Variants in MBNL2 observed in about 807,000 individuals in gnomAD.
MBNL2 encodes the protein muscleblind like splicing regulator 2.
A neutral mutation model predicts 41.9 loss-of-function variants in MBNL2; 17 were observed. The observed-to-expected ratio is 0.41, with a 90% CI of 0.28 to 0.61. MBNL2 has a LOEUF of 0.61. MBNL2 is among the 20% of genes least tolerant of loss of function. The probability of loss-of-function intolerance (pLI) is 0.35; values close to 1 mark genes in which losing one functional copy is unlikely to be tolerated. For missense variants in MBNL2, 336 were observed against 505.6 expected, an observed-to-expected ratio of 0.66 and a Z score of 3.22; for synonymous variants, 195 against 182.9, an observed-to-expected ratio of 1.07 and a Z score of -0.53.
chr13:97,204,919 T>G, the MBNL2 span, among the ~76,000 whole-genome samples: 1 of 151,942 alleles, frequency 6.6e-6, no homozygotes, highest in Non-Finnish European at 1.5e-5. Context: ...ACTAAAAATA[T>G]AAAAATTCAC....
rs371064667 is a variant in MBNL2, at chr13:97,263,021, G to A, written c.-604-12611G>A. On this transcript the variant is annotated intron_variant, in intron 1 of 8. Transcript: ENST00000679496. Reference sequence around the variant, plus strand: ...AGGCTGGTCTTGAACTCCTGAGGTCGGGTGATCCACTCGCCTCGGCCTCCC... The same window carrying A: ...AGGCTGGTCTTGAACTCCTGAGGTCAGGTGATCCACTCGCCTCGGCCTCCC... Among the ~76,000 whole-genome samples the A allele has an allele frequency of 1.1e-4, 17 of 151,914 alleles. No individual in the cohort carries two copies. In the East Asian group the frequency reaches 1.5e-3, roughly 14 times the overall value.
At chr13:97,273,033 G>T (rs540571909) in intron 1 of MBNL2, among the ~76,000 whole-genome samples, 1 of 152,188 alleles carries the variant, frequency 6.6e-6, no homozygotes, top group African/African-American at 2.4e-5. Flanking sequence ...TGGAAGCATA[G>T]CTCCTGGAGA....
chr13:97,298,871 G>T (rs900999529), intron 2 of MBNL2, among the ~76,000 whole-genome samples: 18 of 152,180 alleles, frequency 1.2e-4, no homozygotes, highest in African/African-American at 4.3e-4. Flanking sequence ...TGGGCCTTCT[G>T]CTATGAAGAC....
chr13:97,161,237 G>A, the MBNL2 span, among the ~76,000 whole-genome samples: 1 of 152,176 alleles, frequency 6.6e-6, no homozygotes, highest in Non-Finnish European at 1.5e-5. Context: ...TCCCGCTGGA[G>A]TGCATACTCT....
chr13:97,334,263 C>T lies in MBNL2; in HGVS notation c.175-13C>T, dbSNP rs374068549. On this transcript the variant is annotated splice_polypyrimidine_tract_variant and intron_variant, in intron 2 of 8. Transcript: ENST00000679496. This position sits in a 1 kb window ranked among gnomAD's most constrained non-coding sequence, Gnocchi z 5.3. ...ACTTAAAATAGTCCTAAAACCAACA[C>T]TTGTTTTTACAGGGCCGTTGTTCGA... 8.7e-6 allele frequency: 14 copies of T among 1,601,880 alleles called. No individual in the cohort carries two copies. In the African/African-American group the frequency reaches 1.8e-4, roughly 20 times the overall value.
the MBNL2 span, among the ~76,000 whole-genome samples, chr13:97,184,831 A>G: frequency 2.0e-5 from 3 of 152,118 alleles, no homozygotes; most frequent in Non-Finnish European, 4.4e-5. Context: ...AGTTGGCAAT[A>G]ATAATTTATT....
the MBNL2 span, among the ~76,000 whole-genome samples, chr13:97,156,321 C>T: frequency 2.3e-4 from 33 of 145,090 alleles, 3 homozygotes; most frequent in South Asian, 5.1e-3. Context: ...GAGTAGGTTG[C>T]GAAAATTTTC....
intron 1 of MBNL2, among the ~76,000 whole-genome samples, chr13:97,259,248 G>A (rs569019977): frequency 4.6e-5 from 7 of 152,222 alleles, no homozygotes; most frequent in Non-Finnish European, 7.4e-5. Context: ...AAGTCTTGGT[G>A]CACAGTGGCA....
intron 2 of MBNL2, among the ~76,000 whole-genome samples, chr13:97,305,785 C>CAAAT: frequency 6.6e-6 from 1 of 151,836 alleles, no homozygotes; most frequent in South Asian, 2.1e-4. Context: ...AACAAACAAA[C>CAAAT]AAACCAAAAA....
chr13:97,353,024 A>G (rs2062646102), intron 5 of MBNL2, among the ~76,000 whole-genome samples: 1 of 152,216 alleles, frequency 6.6e-6, no homozygotes, highest in Non-Finnish European at 1.5e-5. Context: ...CTTCAAGTCA[A>G]AGCTGTACTC....
At chr13:97,286,435 C>A (rs1373714579) in intron 2 of MBNL2, among the ~76,000 whole-genome samples, 1 of 152,200 alleles carries the variant, frequency 6.6e-6, no homozygotes, top group Non-Finnish European at 1.5e-5. Flanking sequence ...ATCATGACCA[C>A]CCCAGTCCAA....
the MBNL2 span, among the ~76,000 whole-genome samples, chr13:97,187,459 A>G: frequency 6.6e-6 from 1 of 151,722 alleles, no homozygotes; most frequent in African/African-American, 2.4e-5. Flanking sequence ...TAGGAGAAGC[A>G]ATCTCCTATT....
chr13:97,255,707 T>C (rs947177759), intron 1 of MBNL2, among the ~76,000 whole-genome samples: 3 of 152,346 alleles, frequency 2.0e-5, no homozygotes, highest in East Asian at 1.9e-4. Flanking sequence ...AGCTGGTTGA[T>C]CTTTTATTCA....
At chr13:97,220,803 G>A (rs1447477501), upstream of MBNL2, among the ~76,000 whole-genome samples, 1 of 152,154 alleles carries the variant, frequency 6.6e-6, no homozygotes, top group Non-Finnish European at 1.5e-5. Flanking sequence ...TGAAGTTTCA[G>A]GAATGGGATT....
the MBNL2 span, among the ~76,000 whole-genome samples, chr13:97,199,309 T>C: frequency 6.6e-6 from 1 of 152,146 alleles, no homozygotes; most frequent in African/African-American, 2.4e-5. Flanking sequence ...TATGGCAATT[T>C]CTATCTTAGC....
chr13:97,198,468 G>A, the MBNL2 span, among the ~76,000 whole-genome samples: 238 of 149,726 alleles, frequency 1.6e-3, no homozygotes, highest in East Asian at 9.9e-3. Flanking sequence ...AAGATCTGCA[G>A]GGTATATAAT....
chr13:97,249,193 A>G (rs1302380235), intron 1 of MBNL2, among the ~76,000 whole-genome samples: 1 of 152,242 alleles, frequency 6.6e-6, no homozygotes, highest in Non-Finnish European at 1.5e-5. Flanking sequence ...GTCCAGACTT[A>G]GTGAGATAAT....
chr13:97,278,829 T>C (rs1371210525), intron 2 of MBNL2, among the ~76,000 whole-genome samples: 5 of 152,200 alleles, frequency 3.3e-5, no homozygotes, highest in Admixed American at 1.3e-4. Flanking sequence ...TTTTTAAAAC[T>C]GTCCAACTGA....
At chr13:97,278,540 C>T (rs566556497) in intron 2 of MBNL2, among the ~76,000 whole-genome samples, 15 of 152,252 alleles carry the variant, frequency 9.9e-5, no homozygotes, top group South Asian at 8.3e-4. Context: ...TGGGCAACAA[C>T]GCCTAGATCC....
Sources: allele counts gnomAD v4.1 joint callset (sites outside exome capture counted in the v4.1 genomes callset), GRCh38; gene constraint gnomAD v4.1.1; non-coding constraint Gnocchi (gnomAD v3.1); transcripts MANE v1.5; gene names NCBI Gene and HGNC (gene_info 2026-07-23, HGNC 2026-07-21).